Variants in KDM3B observed in about 807,000 individuals in gnomAD.
KDM3B encodes lysine-specific demethylase 3B.
In KDM3B, 10 loss-of-function variants were observed where a neutral mutation model predicts 170.0. That is an observed-to-expected ratio of 0.06 (90% CI 0.04 to 0.10). KDM3B has a LOEUF of 0.10. Among genes scored for constraint, KDM3B ranks in the 10% least tolerant of loss-of-function variants. KDM3B has a pLI of 1.00. For synonymous variants in KDM3B, 831 were observed against 834.8 expected (o/e 1.00, Z 0.08); for missense variants, 1,394 against 2,195.2 (o/e 0.64, Z 7.29).
At chr5:138,370,540 T>C (rs570110630) in intron 1 of KDM3B, among the ~76,000 whole-genome samples, 2 of 152,226 alleles carry the variant, frequency 1.3e-5, no homozygotes, top group Non-Finnish European at 2.9e-5. Context: ...TTCCTTCATA[T>C]TTTTTCCACT....
intron 20 of KDM3B, 70 bp from the exon 21 acceptor site, chr5:138,429,756 G>C (rs1763483895): frequency 6.6e-7 from 1 of 1,517,200 alleles, no homozygotes; most frequent in Non-Finnish European, 9.0e-7. Context: ...TATTTAAATT[G>C]GACATTTCAT....
chr5:138,378,722 G>A (rs1460351600), intron 4 of KDM3B, among the ~76,000 whole-genome samples: 1 of 151,226 alleles, frequency 6.6e-6, no homozygotes, highest in African/African-American at 2.4e-5. Flanking sequence ...AAGAATATGA[G>A]GAAAATTGGT....
At chr5:138,419,268 A>G (rs760753454) in intron 14 of KDM3B, 36 bp downstream of exon 14, 1 of 1,577,712 alleles carries the variant, frequency 6.3e-7, no homozygotes, top group Non-Finnish European at 8.6e-7. Flanking sequence ...TGCCTATGGT[A>G]GAAATCATGA....
In KDM3B at chr5:138,352,884, C is replaced by T; in HGVS notation, c.89C>T (p.Ala30Val). The T allele has an allele frequency of 2.9e-6, 4 of 1,375,248 alleles. No homozygotes were observed. Among genetic ancestry groups the T allele is most frequent in the Middle Eastern group, 2.6e-4 (1 of 3,808 alleles). The allele number at this position is 1,375,248 out of a possible 1,614,324, so 85.2% of individuals were successfully genotyped here. A position where few individuals can be genotyped will look rare whatever the true frequency, so the allele number is the denominator to read the frequency against. The part of the protein sequence containing the change: ...TAASASASAP[A>V]AAAASGDPGP... ...GCCTCAGCCTCGGCCTCGGCTCCCG[C>T]GGCGGCAGCGGCGAGCGGAGATCCG... Residue 30 changes from alanine to valine, a missense_variant, in exon 1 of 24, where the codon GCG becomes GTG. This residue lies in a region of KDM3B where 99 missense variants were observed against 97.5 expected (regional missense o/e 1.02). Coordinates refer to ENST00000314358, the MANE Select transcript of KDM3B (RefSeq NM_016604.4).
At position 138,436,802 on chromosome 5, in the gene KDM3B, G is replaced by C. The variant is rs753373684; in HGVS notation, c.*1102G>C. 2.6e-5 allele frequency: 4 copies of C among 152,100 alleles called. No homozygotes were observed. Among genetic ancestry groups the C allele is most frequent in the Admixed American group, 6.5e-5 (1 of 15,272 alleles). The allele number at this position is 152,100 out of a possible 1,614,324, so 9.4% of individuals were successfully genotyped here. A position where few individuals can be genotyped will look rare whatever the true frequency, so the allele number is the denominator to read the frequency against. On this transcript the variant is annotated 3_prime_UTR_variant, in exon 24 of 24. Coordinates refer to ENST00000314358, the MANE Select transcript of KDM3B (RefSeq NM_016604.4). ...GTGGAGTCTGATTAAGGATTTATTTGAAAATGGTGGGATTCATTGGCCCAT... is the reference window on the plus strand; with the variant it reads ...GTGGAGTCTGATTAAGGATTTATTTCAAAATGGTGGGATTCATTGGCCCAT...
intron 1 of KDM3B, among the ~76,000 whole-genome samples, chr5:138,353,272 C>T (rs1390013068): frequency 6.6e-6 from 1 of 152,210 alleles, no homozygotes; most frequent in East Asian, 1.9e-4. Context: ...TCTCGGCGTT[C>T]CCCCCAACAC....
chr5:138,390,846 C>T (rs1211106309), intron 7 of KDM3B, among the ~76,000 whole-genome samples, 167 bp from the exon 8 acceptor site: 1 of 152,068 alleles, frequency 6.6e-6, no homozygotes, highest in Non-Finnish European at 1.5e-5. Context: ...GATTTCTTCC[C>T]CACTGCTGGT....
intron 9 of KDM3B, among the ~76,000 whole-genome samples, chr5:138,393,637 T>C (rs1020565612): frequency 6.6e-6 from 1 of 152,208 alleles, no homozygotes; most frequent in Non-Finnish European, 1.5e-5. Context: ...ATTCCTAACT[T>C]GGGTTGGTTC....
intron 2 of KDM3B, among the ~76,000 whole-genome samples, chr5:138,373,357 CAATG>C (rs1225120698): frequency 6.6e-6 from 1 of 151,990 alleles, no homozygotes; most frequent in Non-Finnish European, 1.5e-5. Flanking sequence ...AAAAAAACAA[CAATG>C]AAAAGAATTT....
At chr5:138,423,835 G>A (rs968148378) in intron 15 of KDM3B, among the ~76,000 whole-genome samples, 1 of 152,146 alleles carries the variant, frequency 6.6e-6, no homozygotes, top group Admixed American at 6.6e-5. Flanking sequence ...GATCTCTCGA[G>A]GCAAAAGGGA....
chr5:138,384,163 G>A (rs1054464885), intron 6 of KDM3B, among the ~76,000 whole-genome samples: 2 of 148,212 alleles, frequency 1.3e-5, no homozygotes, highest in Admixed American at 6.7e-5. Context: ...GGAGAATGGC[G>A]TGAACCTGGG....
intron 19 of KDM3B, 39 bp downstream of exon 19, chr5:138,427,358 G>A (rs1034646700): frequency 1.3e-6 from 2 of 1,586,892 alleles, no homozygotes; most frequent in Non-Finnish European, 1.7e-6. Context: ...TTGGGGGACT[G>A]TTGTTCTTAT....
intron 13 of KDM3B, chr5:138,417,832 CT>C: frequency 2.2e-6 from 1 of 445,374 alleles, no homozygotes; most frequent in South Asian, 3.4e-5. Context: ...TCATGGTTGA[CT>C]GATAGCACAA....
At chr5:138,367,880 G>T (rs563004663) in intron 1 of KDM3B, among the ~76,000 whole-genome samples, 1 of 152,080 alleles carries the variant, frequency 6.6e-6, no homozygotes, top group East Asian at 1.9e-4. Flanking sequence ...GGGCGTGGTG[G>T]CAGGCACCTG....
chr5:138,419,668 A>AAAAAAT lies in KDM3B; in HGVS notation c.3715+437_3715+438insAAAATA, dbSNP rs1408643891. On this transcript the variant is annotated intron_variant, in intron 14 of 23. Transcript: ENST00000314358. The stretch of plus-strand genomic sequence containing the variant: ...ACTCTGTCTCAAAAAAAAAAAAAAA[A>AAAAAAT]ATATATATATATATATATATACATA... Among the ~76,000 whole-genome samples, 21 of 109,228 alleles carry AAAAAAT rather than the reference A, an allele frequency of 1.9e-4. 1 individual carries two copies. The highest frequency in any genetic ancestry group is 2.2e-4 in the African/African-American group (6 of 27,058). The allele number at this position is 109,228 out of a possible 152,430, so 71.7% of individuals were successfully genotyped here.
At chr5:138,433,999 C>G (rs1447571568) in intron 23 of KDM3B, among the ~76,000 whole-genome samples, 4 of 152,164 alleles carry the variant, frequency 2.6e-5, no homozygotes, top group African/African-American at 9.7e-5. Context: ...CTCGGCTTCC[C>G]AAAATGCTGA....
chr5:138,425,770 G>C, intron 17 of KDM3B, 188 bp downstream of exon 17: 2 of 521,434 alleles, frequency 3.8e-6, no homozygotes, highest in South Asian at 5.6e-5. Flanking sequence ...TCTTTTTGGA[G>C]GCTGATGTGT....
At chr5:138,393,976 C>T (rs1367507905) in intron 9 of KDM3B, among the ~76,000 whole-genome samples, 1 of 152,046 alleles carries the variant, frequency 6.6e-6, no homozygotes, top group Non-Finnish European at 1.5e-5. Context: ...ATTCACTTAG[C>T]AAATGTTTAT....
Position 138,430,014 on chromosome 5 carries a change from G to A in KDM3B, c.4893+49G>A, listed in dbSNP as rs767159999. 1.9e-4 allele frequency: 309 copies of A among 1,602,948 alleles called. 1 individual carries two copies. The highest frequency in any genetic ancestry group is 1.2e-4 in the Non-Finnish European group (138 of 1,173,188). On this transcript the variant is annotated intron_variant, in intron 21 of 23. Coordinates refer to ENST00000314358, the MANE Select transcript of KDM3B (RefSeq NM_016604.4). Reference sequence around the variant, plus strand: ...TCCCAGCTCACATATCAAGAGTCTCGTTGCTGAGACACCCTATCTAGGGTT... The same window carrying A: ...TCCCAGCTCACATATCAAGAGTCTCATTGCTGAGACACCCTATCTAGGGTT...
Sources: gnomAD v4.1 joint callset for allele counts (sites outside exome capture counted in the v4.1 genomes callset) on GRCh38, gnomAD v4.1.1 for gene constraint, gnomAD v4.1.1 regional missense constraint, MANE v1.5 for transcripts, NCBI Gene and HGNC (gene_info 2026-07-23, HGNC 2026-07-21) for gene names.